The following DNAJB1 variants were observed in gnomAD, a reference collection of about 807,000 sequenced individuals.
The protein encoded by DNAJB1 is DnaJ heat shock protein family (Hsp40) member B1.
DNAJB1 carries 14 observed loss-of-function variants against 24.0 expected under a neutral mutation model. That is an observed-to-expected ratio of 0.58 (90% CI 0.39 to 0.91). The LOEUF is 0.91. Among genes scored for constraint, DNAJB1 ranks in the 40% least tolerant of loss-of-function variants. The probability of loss-of-function intolerance (pLI) is 0.00; values close to 1 mark genes in which losing one functional copy is unlikely to be tolerated. For synonymous variants in DNAJB1, 262 were observed against 174.4 expected (o/e 1.50, Z -3.96); for missense variants, 517 against 458.1 (o/e 1.13, Z -1.17).
chr19:14,535,501 CG>C (rs1159157612), intron 1 of DNAJB1, among the ~76,000 whole-genome samples: 40 of 63,102 alleles, frequency 6.3e-4, no homozygotes, highest in African/African-American at 2.8e-3. Context: ...AGCGAGACTC[CG>C]TCTCAAAAAA....
chr19:14,558,773 T>TC (rs1308338214), intron 1 of DNAJB1, among the ~76,000 whole-genome samples: 1 of 151,966 alleles, frequency 6.6e-6, no homozygotes, highest in Non-Finnish European at 1.5e-5. Context: ...TCCCAGCCCC[T>TC]CCGAGTGGCT....
At chr19:14,529,882 A>G, upstream of DNAJB1, 5 of 892,388 alleles carry the variant, frequency 5.6e-6, no homozygotes, top group South Asian at 1.5e-5. Context: ...TCCAATGCGC[A>G]TGTGCGCAGG....
In DNAJB1 at chr19:14,548,337, C is replaced by T. The variant is rs148674874; in HGVS notation, c.-214+1871G>A. Among the ~76,000 whole-genome samples the T allele has an allele frequency of 2.6e-5, 4 of 152,258 alleles. No homozygotes were observed. In the South Asian group the frequency reaches 6.3e-4, roughly 24 times the overall value. On this transcript the variant is annotated intron_variant, in intron 1 of 3. Transcript: ENST00000676982. ...CTCTTGAACCTGCATTTCCCCACCCCCTTGGTGGCAGTTCCGGCCTGTTTG... is the reference window on the plus strand; with the variant it reads ...CTCTTGAACCTGCATTTCCCCACCCTCTTGGTGGCAGTTCCGGCCTGTTTG...
upstream of DNAJB1, among the ~76,000 whole-genome samples, chr19:14,519,974 C>T (rs894095989): frequency 6.6e-6 from 1 of 152,104 alleles, no homozygotes; most frequent in South Asian, 2.1e-4. Flanking sequence ...GAGGTCAGAG[C>T]CATGTAACAC....
At chr19:14,546,707 C>T (rs1010813046) in intron 1 of DNAJB1, among the ~76,000 whole-genome samples, 9 of 152,146 alleles carry the variant, frequency 5.9e-5, no homozygotes, top group East Asian at 3.9e-4. Flanking sequence ...TTTTTTAAGA[C>T]GGAGTCTTGC....
chr19:14,519,075 A>T (rs953031600), upstream of DNAJB1, among the ~76,000 whole-genome samples: 2 of 152,190 alleles, frequency 1.3e-5, no homozygotes, highest in African/African-American at 2.4e-5. Context: ...TCTATTTAAG[A>T]TTAACAAACA....
chr19:14,535,609 C>CCAGGCATCATGGTGCA (rs2146559767), intron 1 of DNAJB1, among the ~76,000 whole-genome samples: 1 of 101,870 alleles, frequency 9.8e-6, no homozygotes, highest in African/African-American at 4.1e-5. Context: ...TATAAATTAG[C>CCAGGCATCATGGTGCA]CAGGCATCAT....
intron 2 of DNAJB1, among the ~76,000 whole-genome samples, chr19:14,525,693 G>T (rs952127299): frequency 1.3e-5 from 2 of 152,010 alleles, no homozygotes; most frequent in Non-Finnish European, 2.9e-5. Flanking sequence ...AATTTTTTGG[G>T]TTGGTGTAAA....
chr19:14,517,346 A>G, intron 1 of DNAJB1: 1 of 346,114 alleles, frequency 2.9e-6, no homozygotes, highest in Non-Finnish European at 5.3e-6. Context: ...AACATCACCA[A>G]GAGATGGCTA....
chr19:14,515,492 C>CA lies in DNAJB1; in HGVS notation c.*447dup, dbSNP rs1215457616. 1.2e-5 allele frequency: 2 copies of CA among 161,172 alleles called. No individual in the cohort carries two copies. The highest frequency in any genetic ancestry group is 4.8e-5 in the African/African-American group (2 of 41,526). The allele number at this position is 161,172 out of a possible 1,614,324, so 10.0% of individuals were successfully genotyped here. A position where few individuals can be genotyped will look rare whatever the true frequency, so the allele number is the denominator to read the frequency against. On this transcript the variant is annotated 3_prime_UTR_variant, in exon 3 of 3. Transcript: ENST00000254322. ...CAGGAGAAGAGCAAGACATGGGAGA[C>CA]AAATACAGAATAAAGCACAAACTGA...
chr19:14,555,438 CTTTTTTTTTTTT>C (rs747503834), intron 1 of DNAJB1, among the ~76,000 whole-genome samples: 4 of 92,882 alleles, frequency 4.3e-5, no homozygotes, highest in East Asian at 3.2e-4. Flanking sequence ...TTTATTTATT[CTTTTTTTTTTTT>C]TTTTTTTTTT....
Position 14,515,982 on chromosome 19 carries a change from G to A in DNAJB1, c.981C>T (p.Pro327=), listed in dbSNP as rs530905480. ...GCTCAAGTACGGTTCTTGATGTCTG[G>A]GGAATCCTTTCGGGGAAGATCACTT... The part of the protein sequence containing the change: ...EFEVIFPERI[P]QTSRTVLEQV... Residue 327 remains proline (P), a synonymous_variant, in exon 3 of 3, where the codon CCC becomes CCT. Transcript: ENST00000254322. The A allele has an allele frequency of 3.4e-4, 540 of 1,610,772 alleles. 8 individuals carry two copies. The South Asian group carries it at 5.0e-3, about 15-fold the overall frequency.
At chr19:14,560,249 A>G (rs117382391) in exon 1 of DNAJB1, among the ~76,000 whole-genome samples, 3,834 of 152,234 alleles carry the variant, frequency 0.025, 70 homozygotes, top group East Asian at 0.1. Context: ...CACCCCTCCC[A>G]CTAGCAGCTG....
chr19:14,539,609 C>T (rs1265821685), intron 1 of DNAJB1, among the ~76,000 whole-genome samples: 1 of 152,018 alleles, frequency 6.6e-6, no homozygotes, highest in East Asian at 1.9e-4. Context: ...TCATCTGTCC[C>T]CTGCTTTCCT....
chr19:14,550,821 C>T (rs577012486), upstream of DNAJB1, among the ~76,000 whole-genome samples: 69 of 152,120 alleles, frequency 4.5e-4, no homozygotes, highest in African/African-American at 1.6e-3. Context: ...GCTGGGACTA[C>T]AGGCCCGTAC....
chr19:14,542,364 T>G (rs1362641937), intron 1 of DNAJB1, among the ~76,000 whole-genome samples: 1 of 130,910 alleles, frequency 7.6e-6, no homozygotes, highest in African/African-American at 2.9e-5. Context: ...TTTTTTTTTT[T>G]TTTTTTTTTT....
chr19:14,558,315 G>A (rs901431753), intron 1 of DNAJB1, among the ~76,000 whole-genome samples: 1 of 152,144 alleles, frequency 6.6e-6, no homozygotes, highest in Non-Finnish European at 1.5e-5. Context: ...GCCCCCATTA[G>A]TAATATCTTC....
At chr19:14,521,201 A>G (rs1157148167), upstream of DNAJB1, among the ~76,000 whole-genome samples, 1 of 152,116 alleles carries the variant, frequency 6.6e-6, no homozygotes, top group African/African-American at 2.4e-5. Context: ...CTCAACGCCT[A>G]TAATCCCAGC....
At chr19:14,522,834 C>G (rs76057858), upstream of DNAJB1, among the ~76,000 whole-genome samples, 4 of 152,270 alleles carry the variant, frequency 2.6e-5, no homozygotes, top group East Asian at 7.7e-4. Flanking sequence ...CCTGGACCAA[C>G]TGTTTCCTTA....
Sources: allele counts gnomAD v4.1 joint callset (sites outside exome capture counted in the v4.1 genomes callset), GRCh38; gene constraint gnomAD v4.1.1; transcripts MANE v1.5; gene names NCBI Gene and HGNC (gene_info 2026-07-23, HGNC 2026-07-21).